TMEFF1: variants seen among roughly 807,000 people sequenced by gnomAD.
The protein encoded by TMEFF1 is tomoregulin-1.
A neutral mutation model predicts 47.5 loss-of-function variants in TMEFF1; 20 were observed. The observed-to-expected ratio is 0.42, with a 90% CI of 0.30 to 0.61. The LOEUF (loss-of-function observed/expected upper bound fraction) is 0.61, where lower values mean the gene tolerates loss of function less well. TMEFF1 is among the 20% of genes least tolerant of loss of function. The pLI is 0.19. For missense variants in TMEFF1, 411 were observed against 471.1 expected (o/e 0.87, Z 1.18); for synonymous variants, 162 against 166.3 (o/e 0.97, Z 0.20).
intron 2 of TMEFF1, among the ~76,000 whole-genome samples, chr9:100,502,684 A>G (rs1837786643): frequency 6.6e-6 from 1 of 152,150 alleles, no homozygotes. Context: ...ATTTTTTGAG[A>G]AAAGTATTTC....
At chr9:100,491,308 A>T (rs1287882665) in intron 1 of TMEFF1, among the ~76,000 whole-genome samples, 1 of 152,106 alleles carries the variant, frequency 6.6e-6, no homozygotes, top group Non-Finnish European at 1.5e-5. Flanking sequence ...GTCAGATTGG[A>T]TTGGTTTGCT....
intron 5 of TMEFF1, among the ~76,000 whole-genome samples, chr9:100,530,975 A>G (rs1838365203): frequency 6.6e-6 from 1 of 151,868 alleles, no homozygotes; most frequent in African/African-American, 2.4e-5. Context: ...AACAGAGCCA[A>G]AGACAAAAAC....
chr9:100,575,111 C>G (rs1681106458), intron 9 of TMEFF1, among the ~76,000 whole-genome samples: 1 of 152,086 alleles, frequency 6.6e-6, no homozygotes, highest in South Asian at 2.1e-4. Flanking sequence ...GGATTTAGAA[C>G]ATTTATGTAC....
intron 7 of TMEFF1, among the ~76,000 whole-genome samples, chr9:100,552,403 G>T (rs1286273948): frequency 2.0e-5 from 3 of 152,154 alleles, no homozygotes; most frequent in African/African-American, 7.2e-5. Context: ...CTTAGATGAT[G>T]AATTCTGTTC....
chr9:100,542,612 GC>G (rs1838654832), intron 5 of TMEFF1, among the ~76,000 whole-genome samples: 1 of 152,134 alleles, frequency 6.6e-6, no homozygotes. Flanking sequence ...CTTCAGTATT[GC>G]TTTTGAAAAG....
chr9:100,483,263 G>A (rs1220526626), intron 1 of TMEFF1, among the ~76,000 whole-genome samples: 4 of 152,162 alleles, frequency 2.6e-5, no homozygotes, highest in Non-Finnish European at 5.9e-5. Flanking sequence ...TTGGGAGCCC[G>A]AGGCGGGTGG....
chr9:100,515,814 A>AC lies in TMEFF1; in HGVS notation c.464-861_464-860insC, dbSNP rs1554684920. On this transcript the variant is annotated intron_variant, in intron 4 of 9. Coordinates refer to ENST00000374879, the MANE Select transcript of TMEFF1 (RefSeq NM_003692.5). ...CTCCGTCTGAAAAACAAACAAACAA[A>AC]AAAAAAAGACACTCCCTGAATAGTA... is the stretch of plus-strand genomic sequence containing the variant. Among the ~76,000 whole-genome samples the AC allele has an allele frequency of 8.4e-4, 128 of 151,822 alleles. 1 individual carries two copies. Among genetic ancestry groups the AC allele is most frequent in the South Asian group, 2.9e-3 (14 of 4,762 alleles).
intron 5 of TMEFF1, among the ~76,000 whole-genome samples, chr9:100,539,907 AT>A (rs1450282531): frequency 6.6e-6 from 1 of 152,132 alleles, no homozygotes; most frequent in African/African-American, 2.4e-5. Context: ...TGATTGCTGC[AT>A]TTACAAACCT....
At chr9:100,563,576 G>A (rs1302316758) in intron 8 of TMEFF1, among the ~76,000 whole-genome samples, 1 of 152,206 alleles carries the variant, frequency 6.6e-6, no homozygotes, top group African/African-American at 2.4e-5. Flanking sequence ...TCATCTTTCT[G>A]AAAGTAGAAT....
Position 100,572,645 on chromosome 9 carries a change from A to C in TMEFF1, c.1027A>C (p.Ile343Leu). Residue 343 changes from isoleucine (I) to leucine (L), a missense_variant, in exon 9 of 10, where the codon ATC becomes CTC. Physicochemically the swap from Ile to Leu is conservative, Grantham distance 5. Coordinates refer to ENST00000374879, the MANE Select transcript of TMEFF1 (RefSeq NM_003692.5). The part of the protein sequence containing the change: ...AAIIGAVQIA[I>L]IVAIVMCITR... ...AATTATTGGAGCTGTACAGATTGCC[A>C]TCATAGTAGCAATTGTAATGTGCAT... The C allele has an allele frequency of 6.2e-7, 1 of 1,611,816 alleles. No homozygotes were observed. Among genetic ancestry groups the C allele is most frequent in the African/African-American group, 1.3e-5 (1 of 74,952 alleles).
intron 5 of TMEFF1, among the ~76,000 whole-genome samples, chr9:100,518,179 A>G (rs10989127): frequency 0.18 from 27,910 of 152,142 alleles, 2,768 homozygotes; most frequent in South Asian, 0.31. Flanking sequence ...TGACATCTGC[A>G]TAATAGGCTG....
At chr9:100,474,672 G>A (rs1837189308) in intron 1 of TMEFF1, among the ~76,000 whole-genome samples, 1 of 151,992 alleles carries the variant, frequency 6.6e-6, no homozygotes, top group Non-Finnish European at 1.5e-5. Flanking sequence ...TTAAAGTGTG[G>A]AAAGAGAGAA....
chr9:100,574,603 C>T (rs1839313206), intron 9 of TMEFF1, among the ~76,000 whole-genome samples: 1 of 152,018 alleles, frequency 6.6e-6, no homozygotes, highest in African/African-American at 2.4e-5. Context: ...TCTTCAACTC[C>T]TAGGCTCAAG....
rs869245620 is a variant in TMEFF1, at chr9:100,477,620, CTT to C, written c.196+3902_196+3903del. Among the ~76,000 whole-genome samples, 754 of 106,688 alleles carry C rather than the reference CTT, an allele frequency of 7.1e-3. 3 individuals carry two copies. The highest frequency in any genetic ancestry group is 0.029 in the African/African-American group (718 of 25,124). The allele number at this position is 106,688 out of a possible 152,430, so 70.0% of individuals were successfully genotyped here. On this transcript the variant is annotated intron_variant, in intron 1 of 9. Transcript: ENST00000374879. ...ATGTTTTTCTGGATCTGCATTCCGC[CTT>C]TTTTTTTTTTTTTTTTTTTTTGAGA...
intron 8 of TMEFF1, among the ~76,000 whole-genome samples, chr9:100,570,280 C>T (rs1195236233): frequency 1.3e-5 from 2 of 152,070 alleles, no homozygotes; most frequent in Non-Finnish European, 2.9e-5. Flanking sequence ...ATTTTATTTC[C>T]TATAGTTATA....
chr9:100,565,100 AC>A (rs1476361362), intron 8 of TMEFF1, among the ~76,000 whole-genome samples: 1 of 152,196 alleles, frequency 6.6e-6, no homozygotes, highest in Non-Finnish European at 1.5e-5. Flanking sequence ...ATATCCGCTT[AC>A]AGATGTCTAG....
At chr9:100,547,590 G>C (rs150291020) in intron 5 of TMEFF1, among the ~76,000 whole-genome samples, 154 bp from the exon 6 acceptor site, 1 of 151,976 alleles carries the variant, frequency 6.6e-6, no homozygotes, top group African/African-American at 2.4e-5. Context: ...AATTTTTTTA[G>C]GTATTTACTT....
At chr9:100,525,097 A>T (rs1378236090) in intron 5 of TMEFF1, among the ~76,000 whole-genome samples, 1 of 152,124 alleles carries the variant, frequency 6.6e-6, no homozygotes, top group Admixed American at 6.5e-5. Context: ...TTCATTGTGG[A>T]CTGATTGCCC....
chr9:100,540,132 C>T lies in TMEFF1; in HGVS notation c.561-7612C>T, dbSNP rs115377769. 6.1e-3 allele frequency among the ~76,000 whole-genome samples: 929 copies of T among 151,914 alleles called. 9 individuals carry two copies. The highest frequency in any genetic ancestry group is 0.021 in the African/African-American group (856 of 41,396). ...CCTACCCCATTAGCTAGACACAGAG[C>T]GCTGATTGGCACATTTACAATCCTT... On this transcript the variant is annotated intron_variant, in intron 5 of 9. Coordinates refer to ENST00000374879, the MANE Select transcript of TMEFF1 (RefSeq NM_003692.5).
Sources: gnomAD v4.1 joint callset for allele counts (sites outside exome capture counted in the v4.1 genomes callset) on GRCh38, gnomAD v4.1.1 for gene constraint, MANE v1.5 for transcripts, NCBI Gene and HGNC (gene_info 2026-07-23, HGNC 2026-07-21) for gene names.